Variants in MYO18B observed in about 807,000 individuals in gnomAD.
MYO18B encodes the protein unconventional myosin-XVIIIb.
MYO18B carries 204 observed loss-of-function variants against 273.0 expected under a neutral mutation model. That is an observed-to-expected ratio of 0.75 (90% CI 0.67 to 0.84). The LOEUF (loss-of-function observed/expected upper bound fraction) is 0.84. Among genes scored for constraint, MYO18B ranks in the 40% least tolerant of loss-of-function variants. The pLI, the probability that MYO18B is intolerant of heterozygous loss-of-function variation, is 0.00. For synonymous variants in MYO18B, 1,330 were observed against 1,305.7 expected, an observed-to-expected ratio of 1.02 and a Z score of -0.40; for missense variants, 3,212 against 3,287.6, an observed-to-expected ratio of 0.98 and a Z score of 0.56.
At chr22:25,760,069 C>G (rs972209215) in intron 1 of MYO18B, among the ~76,000 whole-genome samples, 1 of 152,050 alleles carries the variant, frequency 6.6e-6, no homozygotes, top group Non-Finnish European at 1.5e-5. Context: ...ACTATGGAAC[C>G]AAGTATTCCC....
chr22:25,797,096 G>A (rs937129641), intron 11 of MYO18B, among the ~76,000 whole-genome samples: 15 of 152,126 alleles, frequency 9.9e-5, no homozygotes, highest in African/African-American at 2.7e-4. Flanking sequence ...GTGTGGTGGC[G>A]GGTGCCTGTA....
At chr22:25,829,418 T>C (rs963709806) in intron 15 of MYO18B, among the ~76,000 whole-genome samples, 1 of 150,478 alleles carries the variant, frequency 6.6e-6, no homozygotes, top group Non-Finnish European at 1.5e-5. Flanking sequence ...GGTACATGCA[T>C]CACAAAACCC....
chr22:25,807,228 C>G (rs1005283629), intron 12 of MYO18B, among the ~76,000 whole-genome samples: 1 of 152,208 alleles, frequency 6.6e-6, no homozygotes, highest in African/African-American at 2.4e-5. Flanking sequence ...AGACTCTCAG[C>G]TCAGTGCTCT....
intron 25 of MYO18B, among the ~76,000 whole-genome samples, chr22:25,888,128 C>A (rs1356135613): frequency 6.6e-6 from 1 of 152,140 alleles, no homozygotes; most frequent in Non-Finnish European, 1.5e-5. Flanking sequence ...TAGGAGGAGA[C>A]CCTGGCAGTT....
chr22:26,028,072 C>T (rs1195357646), intron 43 of MYO18B, among the ~76,000 whole-genome samples: 3 of 151,894 alleles, frequency 2.0e-5, no homozygotes, highest in Non-Finnish European at 2.9e-5. Context: ...GGTGAAACCT[C>T]GTCTCTACTA....
the MYO18B span, among the ~76,000 whole-genome samples, chr22:26,056,260 TCA>T: frequency 2.0e-5 from 3 of 152,176 alleles, no homozygotes; most frequent in Admixed American, 6.5e-5. Flanking sequence ...TCCAAAGAAC[TCA>T]GTTTCTCAAC....
At chr22:25,932,356 C>T (rs1397194972) in intron 34 of MYO18B, among the ~76,000 whole-genome samples, 2 of 151,482 alleles carry the variant, frequency 1.3e-5, no homozygotes, top group South Asian at 4.2e-4. Context: ...CTTCTTTCTT[C>T]CCTTTCTTTC....
At chr22:25,929,742 C>G (rs1400427216) in intron 34 of MYO18B, among the ~76,000 whole-genome samples, 2 of 152,114 alleles carry the variant, frequency 1.3e-5, no homozygotes, top group Admixed American at 6.5e-5. Context: ...CTAAATAGCT[C>G]TGAAATGCAT....
chr22:25,773,342 G>A (rs931349233), intron 7 of MYO18B, among the ~76,000 whole-genome samples: 6 of 152,142 alleles, frequency 3.9e-5, no homozygotes, highest in Admixed American at 6.5e-5. Context: ...AGAGTGGCCC[G>A]AGCAGATGAG....
At chr22:25,915,043 A>AT (rs200419330) in intron 33 of MYO18B, among the ~76,000 whole-genome samples, 2 of 151,670 alleles carry the variant, frequency 1.3e-5, no homozygotes, top group African/African-American at 4.8e-5. Flanking sequence ...ATCTCAACAA[A>AT]TTTAAAAAAA....
At chr22:25,985,953 C>T (rs1036902734) in intron 39 of MYO18B, among the ~76,000 whole-genome samples, 5 of 152,228 alleles carry the variant, frequency 3.3e-5, no homozygotes, top group African/African-American at 1.2e-4. Flanking sequence ...TATTCCCCCA[C>T]TTCACACCCT....
At chr22:25,916,666 G>C (rs1456119155) in intron 33 of MYO18B, among the ~76,000 whole-genome samples, 1 of 152,180 alleles carries the variant, frequency 6.6e-6, no homozygotes, top group Non-Finnish European at 1.5e-5. Flanking sequence ...TAACATGGTA[G>C]AATGCATAAC....
intron 32 of MYO18B, among the ~76,000 whole-genome samples, chr22:25,909,357 G>C (rs2092111391): frequency 6.6e-6 from 1 of 152,102 alleles, no homozygotes; most frequent in Admixed American, 6.5e-5. Context: ...TTGTTATTTT[G>C]TGTGTTTTTC....
chr22:26,016,494 G>C (rs577437967), intron 42 of MYO18B, among the ~76,000 whole-genome samples: 1 of 152,338 alleles, frequency 6.6e-6, no homozygotes, highest in East Asian at 1.9e-4. Context: ...TTGTGTACTG[G>C]AAGTGGGTTT....
chr22:25,750,460 T>G (rs572672728), intron 1 of MYO18B, among the ~76,000 whole-genome samples: 49 of 152,232 alleles, frequency 3.2e-4, no homozygotes, highest in African/African-American at 1.1e-3. Flanking sequence ...CCAGCATCCT[T>G]TTTTTCCCTC....
intron 39 of MYO18B, among the ~76,000 whole-genome samples, chr22:25,956,250 C>T (rs1227846386): frequency 6.7e-6 from 1 of 149,698 alleles, no homozygotes; most frequent in African/African-American, 2.5e-5. Context: ...GAGTCTTGCA[C>T]TGTTTGCCAG....
chr22:25,966,040 G>A (rs1047709361), intron 39 of MYO18B, among the ~76,000 whole-genome samples: 7 of 152,154 alleles, frequency 4.6e-5, no homozygotes, highest in African/African-American at 1.7e-4. Flanking sequence ...TTTAACTCAT[G>A]TATAAAATAG....
At chr22:25,940,209 G>A (rs2092627764) in intron 34 of MYO18B, among the ~76,000 whole-genome samples, 1 of 152,188 alleles carries the variant, frequency 6.6e-6, no homozygotes, top group African/African-American at 2.4e-5. Flanking sequence ...TGTCATGAGA[G>A]GGAACTGCTG....
chr22:25,835,437 A>G lies in MYO18B; in HGVS notation c.3202A>G (p.Thr1068Ala). The G allele has an allele frequency of 6.2e-7, 1 of 1,613,802 alleles. No homozygotes were observed. The highest frequency in any genetic ancestry group is 8.5e-7 in the Non-Finnish European group (1 of 1,179,874). The change falls in exon 17 of 44, where the codon ACT becomes GCT. Residue 1068 changes from threonine (T) to alanine (A), a missense_variant. Coordinates refer to ENST00000335473, the MANE Select transcript of MYO18B (RefSeq NM_032608.7). ...TGCTTTCGAGAAGAAAGGAGCTGGG[A>G]CTGAAGGTAAGGAAGCAGGGGGCTG... ...CAAFEKKGAGTEGSSALRTCE... is the reference protein window; with the variant it reads ...CAAFEKKGAGAEGSSALRTCE...
Sources: allele counts gnomAD v4.1 joint callset (sites outside exome capture counted in the v4.1 genomes callset), GRCh38; gene constraint gnomAD v4.1.1; transcripts MANE v1.5; gene names NCBI Gene and HGNC (gene_info 2026-07-23, HGNC 2026-07-21).